Variants in ANKEF1 observed in about 807,000 individuals in gnomAD.
ANKEF1 encodes ankyrin repeat and EF-hand domain containing 1.
A neutral mutation model predicts 65.1 loss-of-function variants in ANKEF1; 43 were observed. The observed-to-expected ratio is 0.66, with a 90% confidence interval of 0.52 to 0.85. The LOEUF is 0.85. Among genes scored for constraint, ANKEF1 ranks in the 40% least tolerant of loss-of-function variants. The pLI is 0.00. For synonymous variants in ANKEF1, 316 were observed against 341.5 expected (o/e 0.93, Z 0.82); for missense variants, 934 against 952.9 (o/e 0.98, Z 0.26).
intron 3 of ANKEF1, among the ~76,000 whole-genome samples, chr20:10,042,677 G>A (rs1157403268): frequency 6.6e-6 from 1 of 152,174 alleles, no homozygotes; most frequent in Admixed American, 6.5e-5. Context: ...CCGACAGCCT[G>A]CTTCTTACAA....
chr20:10,038,937 A>C (rs1465335393), intron 3 of ANKEF1, among the ~76,000 whole-genome samples: 6 of 152,364 alleles, frequency 3.9e-5, no homozygotes, highest in Admixed American at 2.6e-4. Context: ...CACACTGATT[A>C]TTCATTATAA....
rs1170111917 is a variant in ANKEF1, at chr20:10,035,133, C to G, written c.-309C>G. The G allele has an allele frequency of 6.5e-6, 1 of 152,782 alleles. No homozygotes were observed. The highest frequency in any genetic ancestry group is 1.5e-5 in the Non-Finnish European group (1 of 68,380). 9.5% of individuals were successfully genotyped at this position (152,782 alleles called of 1,614,324 possible). On this transcript the variant is annotated 5_prime_UTR_variant, in exon 1 of 11. Transcript: ENST00000378392. Reference sequence around the variant, plus strand: ...ACACATACACCCAGCCCTGCTGTCCCGCGCGCCAGCTCACCAGCCCTACCC... The same window carrying G: ...ACACATACACCCAGCCCTGCTGTCCGGCGCGCCAGCTCACCAGCCCTACCC...
chr20:10,050,160 A>G lies in ANKEF1; in HGVS notation c.1591A>G (p.Thr531Ala). 6.2e-7 allele frequency: 1 copy of G among 1,614,080 alleles called. No individual in the cohort carries two copies. The highest frequency in any genetic ancestry group is 8.5e-7 in the Non-Finnish European group (1 of 1,179,954). Residue 531 changes from threonine to alanine, a missense_variant, in exon 7 of 11, where the codon ACG becomes GCG. By Grantham distance (58) the Thr-to-Ala change is moderately conservative. Coordinates refer to ENST00000378392, the MANE Select transcript of ANKEF1 (RefSeq NM_022096.6). ...TAATTATTACAAAACTCCGCTAATG[A>G]CGGCGTGTGCAAGTGGAAACATAGA... ...KDNYYKTPLMTACASGNIDVV... is the reference protein window; with the variant it reads ...KDNYYKTPLMAACASGNIDVV...
Position 10,054,467 on chromosome 20 carries a change from G to A in ANKEF1, c.2040G>A (p.Leu680=). The A allele has an allele frequency of 6.5e-7, 1 of 1,547,830 alleles. No homozygotes were observed. The highest frequency in any genetic ancestry group is 8.7e-7 in the Non-Finnish European group (1 of 1,155,496). ...TTTTTTGTTCTTGTTTCCAGGAACT[G>A]CTGTCATCAATTTATGGTGTACCAA... is the stretch of plus-strand genomic sequence containing the variant. ...EGPEIKKEEE[L]LSSIYGVPTT... is the part of the protein sequence containing the mutation. The change falls in exon 10 of 11, where the codon CTG becomes CTA. Residue 680 remains leucine (L), a synonymous_variant. Transcript: ENST00000378392.
chr20:10,036,794 A>G (rs1983884877), intron 2 of ANKEF1, among the ~76,000 whole-genome samples: 2 of 152,176 alleles, frequency 1.3e-5, no homozygotes, highest in Non-Finnish European at 2.9e-5. Context: ...GTGAGCCGAG[A>G]TTGTGCCACT....
intron 6 of ANKEF1, among the ~76,000 whole-genome samples, chr20:10,047,067 A>G (rs970250894): frequency 1.3e-5 from 2 of 152,216 alleles, no homozygotes; most frequent in Non-Finnish European, 2.9e-5. Flanking sequence ...AAAACTAAAG[A>G]TCCACTCAAG....
intron 4 of ANKEF1, 85 bp downstream of exon 4, chr20:10,043,406 C>A: frequency 1.6e-6 from 2 of 1,282,834 alleles, no homozygotes; most frequent in Non-Finnish European, 1.1e-6. Context: ...ATGACATTAT[C>A]CTGTTAGCTG....
At chr20:10,053,359 T>C in intron 9 of ANKEF1, 84 bp downstream of exon 9, 2 of 1,239,358 alleles carry the variant, frequency 1.6e-6, no homozygotes, top group Non-Finnish European at 2.3e-6. Flanking sequence ...TATTTACATA[T>C]TGTTATACAA....
rs184402193 is a variant in ANKEF1, at chr20:10,044,938, T to A, written c.696+395T>A. On this transcript the variant is annotated intron_variant, in intron 5 of 10. Coordinates refer to ENST00000378392, the MANE Select transcript of ANKEF1 (RefSeq NM_022096.6). Reference sequence around the variant, plus strand: ...CTCCATGGTGTTTGTGTGTATTAGATAATGATATACCTGAATTTTAAACTC... The same window carrying A: ...CTCCATGGTGTTTGTGTGTATTAGAAAATGATATACCTGAATTTTAAACTC... 5.9e-5 allele frequency among the ~76,000 whole-genome samples: 9 copies of A among 152,332 alleles called. No individual in the cohort carries two copies. In the East Asian group the frequency reaches 1.3e-3, roughly 23 times the overall value.
rs1322947983 is a variant in ANKEF1, at chr20:10,036,673, CTT to C, written c.-45+1033_-45+1034del. Among the ~76,000 whole-genome samples, 8 of 152,316 alleles carry C rather than the reference CTT, an allele frequency of 5.3e-5. No individual in the cohort carries two copies. The East Asian group carries it at 1.4e-3, about 26-fold the overall frequency. The stretch of plus-strand genomic sequence containing the variant: ...CCTGGCCAACATGGTGAAACCCTGT[CTT>C]TACTAAAAATACAAAAATTAGCCAG... On this transcript the variant is annotated intron_variant, in intron 2 of 10. Transcript: ENST00000378392.
rs991854964 is a variant in ANKEF1 at position 10,056,431 on chromosome 20, A to G, written c.*771A>G. The G allele has an allele frequency of 6.6e-6, 1 of 151,144 alleles. No homozygotes were observed. Among genetic ancestry groups the G allele is most frequent in the African/African-American group, 2.4e-5 (1 of 41,158 alleles). The allele number at this position is 151,144 out of a possible 1,614,324, so 9.4% of individuals were successfully genotyped here. A position where few individuals can be genotyped will look rare whatever the true frequency, so the allele number is the denominator to read the frequency against. On this transcript the variant is annotated 3_prime_UTR_variant, in exon 11 of 11. Coordinates refer to ENST00000378392, the MANE Select transcript of ANKEF1 (RefSeq NM_022096.6). ...CAACCTGACAGCTAGGTATCTAGCT[A>G]GCTAGAAAGGCAGATAGACAGATAT...
chr20:10,055,376 G>C lies in ANKEF1; in HGVS notation c.2173-126G>C, dbSNP rs147355666. ...AACACATCTAAAAGTAAATTTAATAGTTTTAAGTTAAAACTATAAACAAAT... is the reference window on the plus strand; with the variant it reads ...AACACATCTAAAAGTAAATTTAATACTTTTAAGTTAAAACTATAAACAAAT... On this transcript the variant is annotated intron_variant, in intron 10 of 10. Coordinates refer to ENST00000378392, the MANE Select transcript of ANKEF1 (RefSeq NM_022096.6). The C allele has an allele frequency of 7.7e-3, 6,428 of 832,048 alleles. 32 individuals carry two copies. Among genetic ancestry groups the C allele is most frequent in the Non-Finnish European group, 9.8e-3 (5,263 of 538,006 alleles). 51.5% of individuals were successfully genotyped at this position (832,048 alleles called of 1,614,324 possible).
chr20:10,050,566 A>G (rs1312832896), intron 7 of ANKEF1, among the ~76,000 whole-genome samples: 1 of 151,916 alleles, frequency 6.6e-6, no homozygotes, highest in Admixed American at 6.6e-5. Flanking sequence ...CCTATAATAA[A>G]TTAATTAAGC....
rs143799097 is a variant in ANKEF1, at chr20:10,049,985, T to C, written c.1416T>C (p.His472=). Residue 472 remains histidine, a synonymous_variant, in exon 7 of 11, where the codon CAT becomes CAC. Coordinates refer to ENST00000378392, the MANE Select transcript of ANKEF1 (RefSeq NM_022096.6). ...ATAGCAGCCGGTTTAATAGAGATCA[T>C]CCCCCAGAACATCCCATTCAGGATG... ...VTDSSRFNRD[H]PPEHPIQDDS... 8.1e-6 allele frequency: 13 copies of C among 1,613,952 alleles called. No individual in the cohort carries two copies. The highest frequency in any genetic ancestry group is 1.1e-5 in the Non-Finnish European group (13 of 1,180,010).
At chr20:10,052,002 A>G in intron 8 of ANKEF1, 113 bp downstream of exon 8, 1 of 774,582 alleles carries the variant, frequency 1.3e-6, no homozygotes. Context: ...GGTTCCTGGT[A>G]CAAACACAAG....
chr20:10,045,639 AC>A lies in ANKEF1; in HGVS notation c.763del (p.Leu255PhefsTer16). The A allele has an allele frequency of 6.2e-7, 1 of 1,613,904 alleles. No individual in the cohort carries two copies. Among genetic ancestry groups the A allele is most frequent in the African/African-American group, 1.3e-5 (1 of 75,026 alleles). The part of the protein sequence containing the change: ...GLISINGNTP[L>X]HYAAMGGFAD... ...TGATTTCGATAAATGGGAACACACCACTTCATTATGCTGCCATGGGTGGTTT... is the reference window on the plus strand; with the variant it reads ...TGATTTCGATAAATGGGAACACACCATTCATTATGCTGCCATGGGTGGTTT... On this transcript the variant is annotated frameshift_variant, in exon 6 of 11. Transcript: ENST00000378392. LOFTEE classifies it high-confidence loss of function.
chr20:10,051,547 C>A, intron 7 of ANKEF1, 116 bp from the exon 8 acceptor site: 1 of 774,948 alleles, frequency 1.3e-6, no homozygotes, highest in Non-Finnish European at 2.0e-6. Flanking sequence ...AAAATTATGG[C>A]ACAAAGTTTA....
At chr20:10,047,993 GATC>G (rs1251314124) in intron 6 of ANKEF1, among the ~76,000 whole-genome samples, 3 of 152,108 alleles carry the variant, frequency 2.0e-5, no homozygotes, top group African/African-American at 4.8e-5. Flanking sequence ...TGAGAGGTGG[GATC>G]AAAACCCCCC....
chr20:10,045,637 CCACTT>C lies in ANKEF1; in HGVS notation c.763_767del (p.His256CysfsTer11). ...GCTGATTTCGATAAATGGGAACACA[CCACTT>C]CATTATGCTGCCATGGGTGGTTTTG... is the stretch of plus-strand genomic sequence containing the variant. On this transcript the variant is annotated frameshift_variant, in exon 6 of 11. Coordinates refer to ENST00000378392, the MANE Select transcript of ANKEF1 (RefSeq NM_022096.6). LOFTEE classifies it high-confidence loss of function. 1 of 1,613,778 alleles carries C rather than the reference CCACTT, an allele frequency of 6.2e-7. No homozygotes were observed. The highest frequency in any genetic ancestry group is 2.2e-5 in the East Asian group (1 of 44,846).
Sources: gnomAD v4.1 joint callset for allele counts (sites outside exome capture counted in the v4.1 genomes callset) on GRCh38, gnomAD v4.1.1 for gene constraint, MANE v1.5 for transcripts, NCBI Gene and HGNC (gene_info 2026-07-23, HGNC 2026-07-21) for gene names.